Variants in MIS18BP1 observed in about 807,000 individuals in gnomAD.
The protein encoded by MIS18BP1 is MIS18 binding protein 1, also known as mis18-binding protein 1.
MIS18BP1 carries 72 observed loss-of-function variants against 116.1 expected under a neutral mutation model. The observed-to-expected ratio is 0.62, with a 90% CI of 0.51 to 0.75. The LOEUF is 0.75. Among genes scored for constraint, MIS18BP1 ranks in the 30% least tolerant of loss-of-function variants. MIS18BP1 has a pLI of 0.00. For synonymous variants in MIS18BP1, 386 were observed against 427.0 expected (o/e 0.90, Z 1.18); for missense variants, 1,363 against 1,303.2 (o/e 1.05, Z -0.71).
chr14:45,230,852 C>T (rs1037235628), intron 8 of MIS18BP1, among the ~76,000 whole-genome samples: 5 of 152,166 alleles, frequency 3.3e-5, no homozygotes, highest in African/African-American at 1.2e-4. Flanking sequence ...AACTCTTGAG[C>T]TCAAGCGATC....
intron 4 of MIS18BP1, among the ~76,000 whole-genome samples, chr14:45,238,300 C>T (rs1379954273): frequency 6.6e-6 from 1 of 151,886 alleles, no homozygotes; most frequent in African/African-American, 2.4e-5. Flanking sequence ...TTATGACAAT[C>T]TATGCAAAGA....
intron 6 of MIS18BP1, among the ~76,000 whole-genome samples, chr14:45,234,386 A>C (rs1891368398): frequency 6.6e-6 from 1 of 152,180 alleles, no homozygotes; most frequent in South Asian, 2.1e-4. Context: ...TTACTGGAAT[A>C]ACATCCTTGA....
chr14:45,252,322 G>A (rs544977221), intron 1 of MIS18BP1, among the ~76,000 whole-genome samples: 13 of 152,284 alleles, frequency 8.5e-5, no homozygotes, highest in African/African-American at 3.1e-4. Flanking sequence ...AGATATATAT[G>A]TACTTATATG....
chr14:45,236,041 T>A lies in MIS18BP1; in HGVS notation c.1218-97A>T. On this transcript the variant is annotated intron_variant, in intron 5 of 16. Coordinates refer to ENST00000310806, the MANE Select transcript of MIS18BP1 (RefSeq NM_018353.5). ...ACTTTAGCTACAGCAACACTAAGAATGTTATTAGTCTAATTACAAAATATT... is the reference window on the plus strand; with the variant it reads ...ACTTTAGCTACAGCAACACTAAGAAAGTTATTAGTCTAATTACAAAATATT... 6.4e-6 allele frequency: 7 copies of A among 1,086,040 alleles called. No individual in the cohort carries two copies. In the South Asian group the frequency reaches 1.0e-4, roughly 16 times the overall value. 67.3% of individuals were successfully genotyped at this position (1,086,040 alleles called of 1,614,324 possible). A position where few individuals can be genotyped will look rare whatever the true frequency, so the allele number is the denominator to read the frequency against.
At chr14:45,215,709 CTT>C (rs1487871655) in intron 13 of MIS18BP1, among the ~76,000 whole-genome samples, 7 of 136,690 alleles carry the variant, frequency 5.1e-5, no homozygotes, top group Admixed American at 2.2e-4. Flanking sequence ...CTGCACCCGG[CTT>C]TTTTTTTTTT....
intron 11 of MIS18BP1, among the ~76,000 whole-genome samples, chr14:45,220,565 G>A (rs377723626): frequency 4.6e-4 from 70 of 152,192 alleles, no homozygotes; most frequent in African/African-American, 1.5e-3. Flanking sequence ...CACTTTTCCA[G>A]AATGTCATAT....
chr14:45,232,343 A>G (rs367985669), intron 7 of MIS18BP1, among the ~76,000 whole-genome samples: 1 of 147,946 alleles, frequency 6.8e-6, no homozygotes, highest in Non-Finnish European at 1.5e-5. Context: ...CGTGAACCCC[A>G]GAGGCGGAGC....
intron 8 of MIS18BP1, 53 bp downstream of exon 8, chr14:45,231,088 A>C (rs1891260617): frequency 1.3e-6 from 2 of 1,561,324 alleles, no homozygotes; most frequent in South Asian, 1.2e-5. Context: ...AACAATGTAG[A>C]CCATGTAAGA....
At chr14:45,239,720 C>T (rs187765508) in intron 4 of MIS18BP1, among the ~76,000 whole-genome samples, 17 of 152,200 alleles carry the variant, frequency 1.1e-4, no homozygotes, top group Admixed American at 1.1e-3. Context: ...GGAAAACAGA[C>T]TGAAAAAGGA....
chr14:45,218,699 T>C (rs543004980), intron 11 of MIS18BP1, among the ~76,000 whole-genome samples: 2 of 151,630 alleles, frequency 1.3e-5, no homozygotes, highest in Non-Finnish European at 2.9e-5. Flanking sequence ...TGATGTGTTT[T>C]ATTAAGCCTG....
intron 9 of MIS18BP1, 103 bp from the exon 10 acceptor site, chr14:45,226,939 T>C: frequency 9.8e-7 from 1 of 1,018,040 alleles, no homozygotes; most frequent in Non-Finnish European, 1.3e-6. Flanking sequence ...TTCTAGGTAC[T>C]TACAGTTCCG....
chr14:45,204,331 T>C lies in MIS18BP1; in HGVS notation c.3295+68A>G, dbSNP rs57491069. ...TCCACTTGAGAGCAATTAATTTTAA[T>C]ACCATTTAAATAAAGAACCTACCTT... On this transcript the variant is annotated intron_variant, in intron 16 of 16. Coordinates refer to ENST00000310806, the MANE Select transcript of MIS18BP1 (RefSeq NM_018353.5). 90 of 1,547,106 alleles carry C rather than the reference T, an allele frequency of 5.8e-5. No homozygotes were observed. The African/African-American group carries it at 1.1e-3, about 20-fold the overall frequency.
At chr14:45,234,318 T>C (rs1891366285) in intron 6 of MIS18BP1, among the ~76,000 whole-genome samples, 1 of 151,504 alleles carries the variant, frequency 6.6e-6, no homozygotes, top group Admixed American at 6.6e-5. Context: ...AGAGCAATAC[T>C]GGCTAAAAGG....
chr14:45,242,217 T>G lies in MIS18BP1; in HGVS notation c.960A>C (p.Glu320Asp). Residue 320 changes from glutamate (E) to aspartate (D), a missense_variant, in exon 4 of 17, where the codon GAA (glutamate) becomes GAC (aspartate). Glu to Asp is a conservative substitution (Grantham distance 45). Transcript: ENST00000310806. ...TEGTSQQKVK[E>D]GNGKTVPGET... ...CTCCAGGCACTGTTTTTCCATTTCC[T>G]TCCTTAACTTTCTGTTGCGAAGTCC... The G allele has an allele frequency of 6.2e-7, 1 of 1,614,162 alleles. No homozygotes were observed. The highest frequency in any genetic ancestry group is 8.5e-7 in the Non-Finnish European group (1 of 1,180,006).
rs766925685 is a variant in MIS18BP1 at position 45,242,313 on chromosome 14, G to GA, written c.863dup (p.Ser289GlnfsTer3). ...TTTTAATAGGAATACAATTAGTACT[G>GA]AGAGTCTCAGCATTAGTATTTTGAA... On this transcript the variant is annotated frameshift_variant, in exon 4 of 17. Coordinates refer to ENST00000310806, the MANE Select transcript of MIS18BP1 (RefSeq NM_018353.5). LOFTEE classifies it high-confidence loss of function. The GA allele has an allele frequency of 1.2e-6, 2 of 1,614,016 alleles. No homozygotes were observed. The highest frequency in any genetic ancestry group is 1.3e-5 in the African/African-American group (1 of 75,018).
intron 14 of MIS18BP1, among the ~76,000 whole-genome samples, chr14:45,209,384 T>C (rs955436401): frequency 6.6e-5 from 10 of 152,206 alleles, no homozygotes; most frequent in African/African-American, 1.7e-4. Context: ...TGGAGTGCAA[T>C]TGTTGCAATC....
chr14:45,226,818 C>CT lies in MIS18BP1; in HGVS notation c.1764dup (p.Glu589ArgfsTer3). 3.6e-6 allele frequency: 5 copies of CT among 1,392,480 alleles called. No homozygotes were observed. Among genetic ancestry groups the CT allele is most frequent in the South Asian group, 1.4e-5 (1 of 70,438 alleles). The allele number at this position is 1,392,480 out of a possible 1,614,324, so 86.3% of individuals were successfully genotyped here. A position where few individuals can be genotyped will look rare whatever the true frequency, so the allele number is the denominator to read the frequency against. ...AGTTTCTTTGAAGACATTTTATATT[C>CT]TTTTTTTCCAATTAATTCCTTCAAA... On this transcript the variant is annotated frameshift_variant, in exon 10 of 17. Coordinates refer to ENST00000310806, the MANE Select transcript of MIS18BP1 (RefSeq NM_018353.5). LOFTEE classifies it high-confidence loss of function.
chr14:45,205,209 G>A (rs960367337), intron 15 of MIS18BP1, among the ~76,000 whole-genome samples: 59 of 152,040 alleles, frequency 3.9e-4, no homozygotes, highest in Non-Finnish European at 1.8e-4. Context: ...TTTCTGAGAT[G>A]AGGTAAAACA....
Position 45,224,361 on chromosome 14 carries a change from C to T in MIS18BP1, c.2226G>A (p.Lys742=). ...EKEQMLTSDF[K]KNTRLLPKLK... is the part of the protein sequence containing the mutation. The stretch of plus-strand genomic sequence containing the variant: ...ATTTTGGTAATAGTCTGGTATTTTT[C>T]TTAAAGTCAGAGGTGAGCATTTGTT... Residue 742 remains lysine, a synonymous_variant, in exon 11 of 17, where the codon AAG becomes AAA. Transcript: ENST00000310806. The T allele has an allele frequency of 6.2e-7, 1 of 1,613,324 alleles. No individual in the cohort carries two copies. Among genetic ancestry groups the T allele is most frequent in the Non-Finnish European group, 8.5e-7 (1 of 1,179,812 alleles).
Sources: gnomAD v4.1 joint callset for allele counts (sites outside exome capture counted in the v4.1 genomes callset) on GRCh38, gnomAD v4.1.1 for gene constraint, MANE v1.5 for transcripts, NCBI Gene and HGNC (gene_info 2026-07-23, HGNC 2026-07-21) for gene names.